The following MAGED1 variants were observed in gnomAD, a reference collection of about 807,000 sequenced individuals.
MAGED1 encodes the protein MAGE family member D1.
Under a neutral mutation model 54.1 loss-of-function variants are expected in MAGED1, and 3 were observed. The ratio of observed to expected loss-of-function variants is 0.06; its 90% CI spans 0.03 to 0.14. MAGED1 has a LOEUF of 0.14. MAGED1 is among the 10% of genes least tolerant of loss of function. MAGED1 has a pLI of 1.00. For synonymous variants in MAGED1, 217 were observed against 227.3 expected (o/e 0.95, Z 0.41); for missense variants, 485 against 623.4 (o/e 0.78, Z 2.36).
chrX:51,815,115 C>G (rs1420985407), intron 1 of MAGED1, among the ~76,000 whole-genome samples: 1 of 110,128 alleles, frequency 9.1e-6, no homozygotes, highest in Non-Finnish European at 1.9e-5. Flanking sequence ...TGCACTCCAG[C>G]CTGGGTGACA....
intron 1 of MAGED1, among the ~76,000 whole-genome samples, chrX:51,868,919 A>G (rs782794996): frequency 2.7e-5 from 3 of 111,917 alleles, no homozygotes; most frequent in South Asian, 7.6e-4. Flanking sequence ...GTCAATGAAA[A>G]TGTGATAATT....
intron 1 of MAGED1, among the ~76,000 whole-genome samples, chrX:51,828,864 C>A (rs1339274974): frequency 1.8e-5 from 2 of 110,934 alleles, no homozygotes; most frequent in Non-Finnish European, 3.8e-5. Flanking sequence ...AACATGTAGT[C>A]TGTATAAAAA....
intron 1 of MAGED1, among the ~76,000 whole-genome samples, chrX:51,845,166 G>A (rs1926639030): frequency 1.8e-5 from 2 of 111,268 alleles, no homozygotes; most frequent in African/African-American, 3.3e-5. Flanking sequence ...CAGGAGAATC[G>A]CTTGAACCCA....
upstream of MAGED1, among the ~76,000 whole-genome samples, chrX:51,890,586 A>G (rs1312596260): frequency 9.0e-6 from 1 of 111,390 alleles, no homozygotes; most frequent in Non-Finnish European, 1.9e-5. Flanking sequence ...TGACCTTACT[A>G]AAATGTTAAA....
At chrX:51,889,568 T>C, upstream of MAGED1, among the ~76,000 whole-genome samples, 1 of 95,343 alleles carries the variant, frequency 1.0e-5, no homozygotes, top group Non-Finnish European at 2.0e-5. Flanking sequence ...GTGGAGGTTG[T>C]AGTGAGCTGA....
At chrX:51,854,440 A>G (rs1569555772) in intron 1 of MAGED1, among the ~76,000 whole-genome samples, 1 of 111,739 alleles carries the variant, frequency 8.9e-6, no homozygotes, top group Non-Finnish European at 1.9e-5. Context: ...CTTACAGTTT[A>G]GTTGTATAGT....
At chrX:51,896,229 T>A in intron 3 of MAGED1, 180 bp from the exon 4 acceptor site, 2 of 457,120 alleles carry the variant, frequency 4.4e-6, no homozygotes, top group Non-Finnish European at 7.4e-6. Context: ...GCTCCTGGCC[T>A]GGCTCGGAGA....
At chrX:51,857,493 T>C (rs1557360307) in intron 1 of MAGED1, 1 of 111,624 alleles carries the variant, frequency 9.0e-6, no homozygotes, top group Non-Finnish European at 1.9e-5. Context: ...AGAGAATTCA[T>C]AGTGGAAAGT....
intron 1 of MAGED1, among the ~76,000 whole-genome samples, chrX:51,872,179 C>T (rs1359767834): frequency 4.5e-5 from 5 of 111,590 alleles, no homozygotes; most frequent in Non-Finnish European, 1.9e-5. Context: ...GATATTAGCC[C>T]TTTGTCAGAT....
In MAGED1 at chrX:51,897,605, T is replaced by C. The variant is rs782705204; in HGVS notation, c.1545T>C (p.Arg515=). ...ATGTTTATCCAGAAATCATTGAACG[T>C]GCATGCTTTGTCCTAGAGAAGGTGA... The part of the protein sequence containing the change: ...YTDVYPEIIE[R]ACFVLEKKFG... Residue 515 remains arginine (R), a synonymous_variant, in exon 6 of 13, where the codon CGT becomes CGC. Coordinates refer to ENST00000326587, the MANE Select transcript of MAGED1 (RefSeq NM_006986.4). 1.7e-6 allele frequency: 2 copies of C among 1,204,454 alleles called. No individual in the cohort carries two copies. The highest frequency in any genetic ancestry group is 3.5e-5 in the African/African-American group (2 of 56,349).
At position 51,875,291 on chromosome X, in the gene MAGED1, ACT is replaced by A. The variant is rs782059578; in HGVS notation, c.-36-18971_-36-18970del. ...AGATCTCCAGTGTTCTCCCTGTGTA[ACT>A]CTCTCTTTTTGGGTACTCTGCTCTG... On this transcript the variant is annotated intron_variant, in intron 1 of 12. Transcript: ENST00000375772. 2.7e-5 allele frequency among the ~76,000 whole-genome samples: 3 copies of A among 110,073 alleles called. No individual in the cohort carries two copies. In the East Asian group the frequency reaches 8.6e-4, roughly 32 times the overall value.
intron 1 of MAGED1, among the ~76,000 whole-genome samples, chrX:51,893,985 A>G (rs1928575330): frequency 9.1e-6 from 1 of 109,416 alleles, no homozygotes; most frequent in Admixed American, 9.7e-5. Flanking sequence ...CTCCTGACTC[A>G]AAACCTCCAT....
At position 51,850,536 on chromosome X, in the gene MAGED1, A is replaced by T. The variant is rs1466672433; in HGVS notation, c.-36-43733A>T. On this transcript the variant is annotated intron_variant, in intron 1 of 12. Coordinates refer to the MAGED1 transcript ENST00000375772. The stretch of plus-strand genomic sequence containing the variant: ...ACTAATGTATTATTTCCACTGGTCA[A>T]CACACTCAGGCCTTTTATCCAGGGC... 2.7e-5 allele frequency among the ~76,000 whole-genome samples: 3 copies of T among 111,944 alleles called. No individual in the cohort carries two copies. In the Admixed American group the frequency reaches 2.8e-4, roughly 11 times the overall value.
chrX:51,895,937 A>T (rs782491285), intron 3 of MAGED1, among the ~76,000 whole-genome samples, 177 bp downstream of exon 3: 2 of 112,662 alleles, frequency 1.8e-5, no homozygotes, highest in Non-Finnish European at 3.7e-5. Context: ...GAGATAATAC[A>T]TGGACACAAA....
At chrX:51,897,967 G>A (rs1296103747) in intron 7 of MAGED1, 81 bp downstream of exon 7, 1 of 916,486 alleles carries the variant, frequency 1.1e-6, no homozygotes, top group Non-Finnish European at 1.6e-6. Context: ...CAGGGTCCAG[G>A]GTTCAGGGTC....
rs782586931 is a variant in MAGED1 at position 51,895,709 on chromosome X, G to C, written c.702G>C (p.Gln234His). ...ATAQTSADGS[Q>H]AQNLESRTII... ...CACAGACATCAGCAGATGGTTCCCA[G>C]GCTCAGAATCTGGAGTCCCGGACAA... The change falls in exon 3 of 13, where the codon CAG becomes CAC. Residue 234 changes from glutamine to histidine, a missense_variant. Physicochemically the swap from Gln to His is conservative, Grantham distance 24. Coordinates refer to ENST00000326587, the MANE Select transcript of MAGED1 (RefSeq NM_006986.4). 2.8e-5 allele frequency: 33 copies of C among 1,195,431 alleles called. No homozygotes were observed. The East Asian group carries it at 9.9e-4, about 36-fold the overall frequency.
intron 3 of MAGED1, 115 bp downstream of exon 3, chrX:51,895,875 C>T: frequency 3.5e-6 from 2 of 571,023 alleles, no homozygotes; most frequent in Non-Finnish European, 5.5e-6. Flanking sequence ...GGCTATAGGG[C>T]ATTTGAAGAG....
intron 1 of MAGED1, among the ~76,000 whole-genome samples, chrX:51,831,196 C>A (rs1343600195): frequency 1.8e-5 from 2 of 112,684 alleles, no homozygotes; most frequent in African/African-American, 6.4e-5. Context: ...TATCAAGCAA[C>A]TGTTATTCCC....
intron 1 of MAGED1, among the ~76,000 whole-genome samples, chrX:51,837,743 G>A (rs1216198190): frequency 1.8e-5 from 2 of 112,149 alleles, no homozygotes; most frequent in East Asian, 5.6e-4. Context: ...TATGAGAGAC[G>A]GTGAGGTTAA....
Sources: gnomAD v4.1 joint callset for allele counts (sites outside exome capture counted in the v4.1 genomes callset) on GRCh38, gnomAD v4.1.1 for gene constraint, MANE v1.5 for transcripts, NCBI Gene and HGNC (gene_info 2026-07-23, HGNC 2026-07-21) for gene names.